The following CA14 variants were observed in gnomAD, a reference collection of about 807,000 sequenced individuals.
CA14 encodes the protein CA-XIV.
In CA14, 44 loss-of-function variants were observed where a neutral mutation model predicts 48.8. The observed-to-expected ratio is 0.90, with a 90% confidence interval of 0.71 to 1.16. The LOEUF (loss-of-function observed/expected upper bound fraction) is 1.16. Ranked by LOEUF, CA14 falls within the 50% of genes most tolerant of loss-of-function variation. CA14 has a pLI of 0.00. For synonymous variants in CA14, 154 were observed against 155.0 expected, an observed-to-expected ratio of 0.99 and a Z score of 0.05; for missense variants, 386 against 401.0, an observed-to-expected ratio of 0.96 and a Z score of 0.32.
Position 150,262,800 on chromosome 1 carries a change from C to T in CA14, c.496-4C>T. ...CAAACTCTCTCCCTTTCCTTCTCTT[C>T]CAGGTGGGTGAGACTAAGAATATAG... On this transcript the variant is annotated splice_region_variant and splice_polypyrimidine_tract_variant and intron_variant, in intron 5 of 10. Transcript: ENST00000369111. 2 of 1,606,246 alleles carry T rather than the reference C, an allele frequency of 1.2e-6. No individual in the cohort carries two copies. The highest frequency in any genetic ancestry group is 2.7e-5 in the African/African-American group (2 of 74,862).
chr1:150,263,343 C>G lies in CA14; in HGVS notation c.765C>G (p.Pro255=). 6.2e-7 allele frequency: 1 copy of G among 1,614,206 alleles called. No individual in the cohort carries two copies. Among genetic ancestry groups the G allele is most frequent in the Non-Finnish European group, 8.5e-7 (1 of 1,180,038 alleles). ...QGTLFSTEEE[P]SKLLVQNYRA... ...CATTGTTCTCCACAGAAGAGGAGCC[C>G]TCTAAGCTTCTGGTACAGAACTACC... Residue 255 remains proline (P), a synonymous_variant, in exon 8 of 11, where the codon CCC becomes CCG. Coordinates refer to ENST00000369111, the MANE Select transcript of CA14 (RefSeq NM_012113.3).
chr1:150,260,026 C>CAGAGGGAGGAGAGACTGCAG, intron 1 of CA14, 125 bp from the exon 2 acceptor site: 1 of 901,618 alleles, frequency 1.1e-6, no homozygotes, highest in South Asian at 1.5e-5. Context: ...AGTGCTGGAG[C>CAGAGGGAGGAGAGACTGCAG]AGAGGGAGGA....
At chr1:150,263,229 G>C (rs376799889) in intron 7 of CA14, 30 bp downstream of exon 7, 2 of 1,613,678 alleles carry the variant, frequency 1.2e-6, no homozygotes, top group Admixed American at 1.7e-5. Flanking sequence ...GGTGAGGTGA[G>C]ACACAGTTGT....
At chr1:150,262,086 A>G (rs781958643) in intron 3 of CA14, 72 bp from the exon 4 acceptor site, 38 of 1,584,782 alleles carry the variant, frequency 2.4e-5, no homozygotes, top group Non-Finnish European at 3.3e-5. Flanking sequence ...TCTCCCAAGA[A>G]GTGGTGGCAA....
At chr1:150,263,019 G>A (rs1437142304) in intron 6 of CA14, 23 bp from the exon 7 acceptor site, 4 of 1,613,012 alleles carry the variant, frequency 2.5e-6, no homozygotes, top group Admixed American at 3.3e-5. Flanking sequence ...AAAGGAAGAT[G>A]AGTCCCAGTC....
In CA14 at chr1:150,262,846, C is replaced by T; in HGVS notation, c.538C>T (p.His180Tyr). The T allele has an allele frequency of 1.9e-6, 3 of 1,613,150 alleles. No individual in the cohort carries two copies. Among genetic ancestry groups the T allele is most frequent in the South Asian group, 2.2e-5 (2 of 91,034 alleles). The change falls in exon 6 of 11, where the codon CAC becomes TAC. Residue 180 changes from histidine (H) to tyrosine (Y), a missense_variant. His to Tyr is a moderately conservative substitution (Grantham distance 83). Transcript: ENST00000369111. Reference protein sequence around the residue: ...KNIAYEHILSHLHEVRHKDQK... With the variant: ...KNIAYEHILSYLHEVRHKDQK... ...TATAGCTTATGAACACATTCTGAGT[C>T]ACTTGCATGAAGTCAGGCATAAAGG...
Position 150,262,619 on chromosome 1 carries a change from A to G in CA14, c.494A>G (p.Glu165Gly). 1.2e-6 allele frequency: 2 copies of G among 1,609,816 alleles called. No homozygotes were observed. Among genetic ancestry groups the G allele is most frequent in the Non-Finnish European group, 1.7e-6 (2 of 1,176,112 alleles). The part of the protein sequence containing the change: ...QGLAVLGILI[E>G]VGETKNIAYE... The stretch of plus-strand genomic sequence containing the variant: ...CTGGCTGTCCTGGGCATCCTAATTG[A>G]GGTCAGTAGCCCCCAGTCCCTTCCA... Residue 165 changes from glutamate to glycine, a missense_variant and splice_region_variant, in exon 5 of 11, where the codon GAG becomes GGG. Transcript: ENST00000369111.
At position 150,262,889 on chromosome 1, in the gene CA14, T is replaced by C. The variant is rs984785271; in HGVS notation, c.562+19T>C. The C allele has an allele frequency of 4.4e-6, 7 of 1,598,988 alleles. No homozygotes were observed. In the Admixed American group the frequency reaches 6.7e-5, roughly 15 times the overall value. On this transcript the variant is annotated intron_variant, in intron 6 of 10. Coordinates refer to ENST00000369111, the MANE Select transcript of CA14 (RefSeq NM_012113.3). ...CATAAAGGTGAGCCTTAAAAATCTATAGCAGGAAGTAAGATTAGACTTTCA... is the reference window on the plus strand; with the variant it reads ...CATAAAGGTGAGCCTTAAAAATCTACAGCAGGAAGTAAGATTAGACTTTCA...
In CA14 at chr1:150,263,201, T is replaced by C. The variant is rs782274683; in HGVS notation, c.720+2T>C. The C allele has an allele frequency of 8.7e-6, 14 of 1,613,994 alleles. No individual in the cohort carries two copies. The South Asian group carries it at 1.5e-4, about 18-fold the overall frequency. On this transcript the variant is annotated splice_donor_variant, in intron 7 of 10. Transcript: ENST00000369111. LOFTEE classifies it high-confidence loss of function. ...AGGTCCCAGATTTCAATGGAACAGG[T>C]AAGTGGTGGAGAAACGAGGTGAGGT... is the stretch of plus-strand genomic sequence containing the variant.
intron 8 of CA14, 53 bp from the exon 9 acceptor site, chr1:150,263,606 C>T (rs1651300252): frequency 1.2e-6 from 2 of 1,612,658 alleles, no homozygotes; most frequent in Admixed American, 1.7e-5. Flanking sequence ...GAGTGCTGCT[C>T]CCAGCTGGGA....
At position 150,263,074 on chromosome 1, in the gene CA14, A is replaced by G. The variant is rs1275768535; in HGVS notation, c.595A>G (p.Arg199Gly). 3.1e-6 allele frequency: 5 copies of G among 1,614,022 alleles called. No individual in the cohort carries two copies. The highest frequency in any genetic ancestry group is 4.2e-6 in the Non-Finnish European group (5 of 1,180,026). The change falls in exon 7 of 11, where the codon AGA becomes GGA. Residue 199 changes from arginine (R) to glycine (G), a missense_variant. Physicochemically the swap from Arg to Gly is moderately radical, Grantham distance 125 (BLOSUM62 -2). Coordinates refer to ENST00000369111, the MANE Select transcript of CA14 (RefSeq NM_012113.3). ...QKTSVPPFNL[R>G]ELLPKQLGQY... ...GACCTCAGTGCCTCCCTTCAACCTAAGAGAGCTGCTCCCCAAACAGCTGGG... is the reference window on the plus strand; with the variant it reads ...GACCTCAGTGCCTCCCTTCAACCTAGGAGAGCTGCTCCCCAAACAGCTGGG...
chr1:150,263,217 G>A lies in CA14; in HGVS notation c.720+18G>A, dbSNP rs782341031. On this transcript the variant is annotated intron_variant, in intron 7 of 10. Transcript: ENST00000369111. The stretch of plus-strand genomic sequence containing the variant: ...TGGAACAGGTAAGTGGTGGAGAAAC[G>A]AGGTGAGGTGAGACACAGTTGTAAC... 26 of 1,613,832 alleles carry A rather than the reference G, an allele frequency of 1.6e-5. No individual in the cohort carries two copies. Among genetic ancestry groups the A allele is most frequent in the African/African-American group, 1.5e-4 (11 of 74,892 alleles).
intron 1 of CA14, among the ~76,000 whole-genome samples, chr1:150,259,712 A>G (rs1167368218): frequency 1.3e-5 from 2 of 151,754 alleles, no homozygotes; most frequent in Non-Finnish European, 2.9e-5. Context: ...CCCAACACAC[A>G]CACACTCTAA....
intron 10 of CA14, 100 bp from the exon 11 acceptor site, chr1:150,264,493 T>A: frequency 1.4e-6 from 1 of 725,634 alleles, no homozygotes. Context: ...GTGAAACACC[T>A]TGCCCAGCCC....
chr1:150,262,530 C>T lies in CA14; in HGVS notation c.405C>T (p.His135=), dbSNP rs1651142749. ...INSEATFAEL[H]IVHYDSDSYD... ...TTCCCTCTTCCTTCCTTTAGCTCCACATTGTACATTATGACTCTGATTCCT... is the reference window on the plus strand; with the variant it reads ...TTCCCTCTTCCTTCCTTTAGCTCCATATTGTACATTATGACTCTGATTCCT... Residue 135 remains histidine, a synonymous_variant, in exon 5 of 11, where the codon CAC becomes CAT. Coordinates refer to ENST00000369111, the MANE Select transcript of CA14 (RefSeq NM_012113.3). 3 of 1,612,822 alleles carry T rather than the reference C, an allele frequency of 1.9e-6. No individual in the cohort carries two copies. The highest frequency in any genetic ancestry group is 1.7e-5 in the Admixed American group (1 of 60,024).
intron 2 of CA14, chr1:150,260,459 TTA>T: frequency 1.9e-6 from 1 of 515,512 alleles, no homozygotes; most frequent in Non-Finnish European, 3.6e-6. Flanking sequence ...AACTCTGAGC[TTA>T]GCTGCCAGGT....
rs782788493 is a variant in CA14 at position 150,262,180 on chromosome 1, C to T, written c.279C>T (p.Thr93=). The T allele has an allele frequency of 1.2e-6, 2 of 1,614,046 alleles. No homozygotes were observed. The highest frequency in any genetic ancestry group is 2.7e-5 in the African/African-American group (2 of 74,914). ...CAGTGCAACTCTCTCTGCCCTCTAC[C>T]CTGTATCTGGGTGGACTTCCCCGAA... ...GHTVQLSLPS[T]LYLGGLPRKY... is the part of the protein sequence containing the mutation. The change falls in exon 4 of 11, where the codon ACC becomes ACT. Residue 93 remains threonine (T), a synonymous_variant. Transcript: ENST00000369111.
intron 5 of CA14, 36 bp from the exon 6 acceptor site, chr1:150,262,768 C>A: frequency 6.6e-7 from 1 of 1,521,884 alleles, no homozygotes; most frequent in Non-Finnish European, 9.1e-7. Flanking sequence ...CAAACATGGA[C>A]TCATTCCAAA....
intron 3 of CA14, 83 bp from the exon 4 acceptor site, chr1:150,262,075 G>A (rs1553847983): frequency 6.5e-7 from 1 of 1,535,974 alleles, no homozygotes; most frequent in African/African-American, 1.4e-5. Context: ...AGAGGGCCAA[G>A]TCTCCCAAGA....
Sources: allele counts gnomAD v4.1 joint callset (sites outside exome capture counted in the v4.1 genomes callset), GRCh38; gene constraint gnomAD v4.1.1; transcripts MANE v1.5; gene names NCBI Gene and HGNC (gene_info 2026-07-23, HGNC 2026-07-21).